The following HIBCH variants were observed in gnomAD, a reference collection of about 807,000 sequenced individuals.
HIBCH encodes the protein 3-hydroxyisobutyryl-CoA hydrolase, also known as 3-hydroxyisobutyryl-CoA hydrolase, mitochondrial.
HIBCH carries 50 observed loss-of-function variants against 58.2 expected under a neutral mutation model. The observed-to-expected ratio is 0.86, with a 90% CI of 0.68 to 1.09. The LOEUF (loss-of-function observed/expected upper bound fraction) is 1.09. Among genes scored for constraint, HIBCH ranks in the 50% least tolerant of loss-of-function variants. HIBCH has a pLI of 0.00. For synonymous variants in HIBCH, 151 were observed against 146.9 expected, an observed-to-expected ratio of 1.03 and a Z score of -0.20; for missense variants, 450 against 449.7, an observed-to-expected ratio of 1.00 and a Z score of -0.01.
At chr2:190,252,741 C>A (rs190906467) in intron 7 of HIBCH, among the ~76,000 whole-genome samples, 1 of 152,100 alleles carries the variant, frequency 6.6e-6, no homozygotes, top group African/African-American at 2.4e-5. Context: ...CATGTCCCAA[C>A]CTTAGTCAAT....
downstream of HIBCH, chr2:190,199,971 G>A: frequency 6.2e-7 from 1 of 1,614,110 alleles, no homozygotes; most frequent in Non-Finnish European, 8.5e-7. Context: ...GTCTACCTAG[G>A]ATGGCTTCTC....
chr2:190,224,933 G>C (rs1482880071), intron 11 of HIBCH, among the ~76,000 whole-genome samples: 2 of 152,194 alleles, frequency 1.3e-5, no homozygotes, highest in East Asian at 3.8e-4. Flanking sequence ...TCAGACCACA[G>C]TGCAATCAAA....
intron 6 of HIBCH, among the ~76,000 whole-genome samples, chr2:190,274,440 G>C (rs1167193008): frequency 6.6e-6 from 1 of 152,202 alleles, no homozygotes; most frequent in Non-Finnish European, 1.5e-5. Flanking sequence ...CTGCAATAAA[G>C]TCATTTGGGT....
chr2:190,277,038 ATTAAC>A (rs1419932316), intron 6 of HIBCH, among the ~76,000 whole-genome samples: 1 of 152,206 alleles, frequency 6.6e-6, no homozygotes, highest in Non-Finnish European at 1.5e-5. Flanking sequence ...GTCCCCTCAT[ATTAAC>A]TTAAGAAAAT....
intron 1 of HIBCH, 74 bp downstream of exon 1, chr2:190,319,642 C>T: frequency 7.7e-7 from 1 of 1,296,980 alleles, no homozygotes; most frequent in Non-Finnish European, 1.1e-6. Context: ...CAGCAGTCTC[C>T]ACCCCCGGCC....
chr2:190,253,596 CTTATTGATT>C (rs766801814), intron 7 of HIBCH, among the ~76,000 whole-genome samples: 21 of 152,168 alleles, frequency 1.4e-4, no homozygotes, highest in Non-Finnish European at 3.1e-4. Flanking sequence ...GTGACCACAT[CTTATTGATT>C]TTCCCTCTGA....
intron 6 of HIBCH, among the ~76,000 whole-genome samples, chr2:190,284,334 G>T (rs879095356): frequency 6.6e-6 from 1 of 152,030 alleles, no homozygotes; most frequent in Non-Finnish European, 1.5e-5. Flanking sequence ...CATGGCCAGT[G>T]CCTTCAGAAA....
intron 11 of HIBCH, among the ~76,000 whole-genome samples, chr2:190,227,666 G>A (rs1054861478): frequency 2.0e-5 from 3 of 152,020 alleles, no homozygotes; most frequent in Non-Finnish European, 4.4e-5. Context: ...CTGACAAAGG[G>A]CTAATATCCA....
chr2:190,311,075 T>C (rs1243951025), intron 1 of HIBCH: 9 of 583,180 alleles, frequency 1.5e-5, no homozygotes, highest in Middle Eastern at 2.7e-4. Context: ...AATACAACCA[T>C]ATAAAATATT....
chr2:190,205,206 T>G lies in HIBCH; in HGVS notation c.1072A>C (p.Lys358Gln), dbSNP rs1690360744. ...TCTTTTAGATCAGCTGGTTTCCATT[T>G]TGGACTCTGGTCTTTATCAATTAAA... is the stretch of plus-strand genomic sequence containing the variant. The part of the protein sequence containing the change: ...AVLIDKDQSP[K>Q]WKPADLKEVT... The change falls in exon 14 of 14, where the codon AAA (lysine) becomes CAA (glutamine). Residue 358 changes from lysine to glutamine, a missense_variant. By Grantham distance (53) the Lys-to-Gln change is moderately conservative (BLOSUM62 1). Coordinates refer to ENST00000359678, the MANE Select transcript of HIBCH (RefSeq NM_014362.4). 1.9e-6 allele frequency: 3 copies of G among 1,600,436 alleles called. No individual in the cohort carries two copies. Among genetic ancestry groups the G allele is most frequent in the African/African-American group, 1.3e-5 (1 of 74,772 alleles).
At chr2:190,311,091 G>T in intron 1 of HIBCH, 1 of 538,912 alleles carries the variant, frequency 1.9e-6, no homozygotes, top group Non-Finnish European at 3.4e-6. Flanking sequence ...ATATTATTCA[G>T]CCATGAAAAA....
chr2:190,239,548 G>A (rs1686387294), intron 11 of HIBCH, among the ~76,000 whole-genome samples: 1 of 152,004 alleles, frequency 6.6e-6, no homozygotes, highest in Admixed American at 6.5e-5. Flanking sequence ...ATTACTTTGG[G>A]CAGTATGGCC....
chr2:190,265,890 T>C (rs1353218824), intron 6 of HIBCH, among the ~76,000 whole-genome samples: 1 of 152,230 alleles, frequency 6.6e-6, no homozygotes, highest in Non-Finnish European at 1.5e-5. Flanking sequence ...ACTTTGCTTT[T>C]ATCTTTGTCT....
intron 6 of HIBCH, among the ~76,000 whole-genome samples, chr2:190,264,348 G>C (rs1687173798): frequency 6.6e-6 from 1 of 150,608 alleles, no homozygotes; most frequent in Non-Finnish European, 1.5e-5. Flanking sequence ...GTAACAAATA[G>C]TACGTTCGCA....
intron 8 of HIBCH, chr2:190,250,213 T>C (rs558984110): frequency 2.3e-5 from 8 of 354,996 alleles, no homozygotes; most frequent in Non-Finnish European, 4.5e-5. Context: ...TGTGATTTCA[T>C]TAAATGTTTC....
intron 6 of HIBCH, among the ~76,000 whole-genome samples, chr2:190,286,407 T>C (rs1197548929): frequency 6.6e-6 from 1 of 152,220 alleles, no homozygotes; most frequent in African/African-American, 2.4e-5. Flanking sequence ...ATGTAAAACT[T>C]TGATTAAACA....
rs577954909 is a variant in HIBCH at position 190,224,019 on chromosome 2, G to A, written c.892-10944C>T. Among the ~76,000 whole-genome samples the A allele has an allele frequency of 3.8e-3, 573 of 152,318 alleles. 1 individual carries two copies. The highest frequency in any genetic ancestry group is 0.013 in the African/African-American group (537 of 41,582). ...CCCTTTCCTGGCCAAGGGAAACCGT[G>A]ACAGACGGTACCTGGAAAATCAGGA... On this transcript the variant is annotated intron_variant, in intron 11 of 13. Coordinates refer to ENST00000359678, the MANE Select transcript of HIBCH (RefSeq NM_014362.4).
chr2:190,280,696 C>T (rs1292813241), intron 6 of HIBCH, among the ~76,000 whole-genome samples: 2 of 152,108 alleles, frequency 1.3e-5, no homozygotes, highest in East Asian at 3.9e-4. Flanking sequence ...GCATATGGCC[C>T]CTCGAGTGCT....
At position 190,257,117 on chromosome 2, in the gene HIBCH, G is replaced by A. The variant is rs183726945; in HGVS notation, c.517+4039C>T. Among the ~76,000 whole-genome samples, 24 of 152,164 alleles carry A rather than the reference G, an allele frequency of 1.6e-4. 1 individual carries two copies. In the East Asian group the frequency reaches 4.6e-3, roughly 29 times the overall value. On this transcript the variant is annotated intron_variant, in intron 7 of 13. Coordinates refer to ENST00000359678, the MANE Select transcript of HIBCH (RefSeq NM_014362.4). ...TAACCACAAGCATTAGAAATATGAA[G>A]AGCACCAAAGCACATCATAATCAAA...
Sources: allele counts gnomAD v4.1 joint callset (sites outside exome capture counted in the v4.1 genomes callset), GRCh38; gene constraint gnomAD v4.1.1; transcripts MANE v1.5; gene names NCBI Gene and HGNC (gene_info 2026-07-23, HGNC 2026-07-21).